Variants in INPP4B observed in about 807,000 individuals in gnomAD.
The protein encoded by INPP4B is inositol polyphosphate-4-phosphatase type II B.
In INPP4B, 55 loss-of-function variants were observed where a neutral mutation model predicts 122.5. The ratio of observed to expected loss-of-function variants is 0.45; its 90% CI spans 0.36 to 0.56. The LOEUF (loss-of-function observed/expected upper bound fraction) is 0.56, where lower values mean the gene tolerates loss of function less well. Ranked by LOEUF, INPP4B falls within the 20% of genes least tolerant of loss-of-function variation. The pLI is 0.00. For synonymous variants in INPP4B, 403 were observed against 388.7 expected (o/e 1.04, Z -0.43); for missense variants, 1,000 against 1,097.7 (o/e 0.91, Z 1.26).
chr4:142,460,882 T>TTTTTTTTTTTTTGAGA (rs1553936436), intron 3 of INPP4B, among the ~76,000 whole-genome samples: 2 of 152,004 alleles, frequency 1.3e-5, no homozygotes, highest in African/African-American at 4.8e-5. Flanking sequence ...ACATTTTATA[T>TTTTTTTTTTTTTGAGA]CAAATCAAAT....
chr4:142,393,526 C>T (rs1323681899), intron 7 of INPP4B, among the ~76,000 whole-genome samples: 4 of 152,198 alleles, frequency 2.6e-5, no homozygotes, highest in African/African-American at 4.8e-5. Flanking sequence ...GTAATAGTGA[C>T]ATTAATGACT....
At chr4:142,764,117 T>C (rs1192197281) in intron 1 of INPP4B, among the ~76,000 whole-genome samples, 1 of 152,160 alleles carries the variant, frequency 6.6e-6, no homozygotes, top group East Asian at 1.9e-4. Context: ...CCTCAAGATA[T>C]TTTTATTCCC....
chr4:142,492,003 G>T (rs1464726474), intron 2 of INPP4B, among the ~76,000 whole-genome samples: 2 of 152,054 alleles, frequency 1.3e-5, no homozygotes. Flanking sequence ...CATGTGTCTT[G>T]GGAGGGACCT....
chr4:142,632,394 C>A (rs1230411554), intron 2 of INPP4B, among the ~76,000 whole-genome samples: 1 of 151,902 alleles, frequency 6.6e-6, no homozygotes. Context: ...AAGTAGATCT[C>A]ATGAAGATAG....
rs943987959 is a variant in INPP4B at position 142,786,455 on chromosome 4, A to C, written c.-254+59754T>G. ...AATGACTTAATAAATTAATAAAAGC[A>C]GGGGATAAGAGACATATTCAAATAA... is the stretch of plus-strand genomic sequence containing the variant. On this transcript the variant is annotated intron_variant, in intron 1 of 25. Coordinates refer to ENST00000262992, the MANE Select transcript of INPP4B (RefSeq NM_001101669.3). 1.1e-4 allele frequency among the ~76,000 whole-genome samples: 16 copies of C among 152,190 alleles called. 1 individual carries two copies. The highest frequency in any genetic ancestry group is 3.9e-4 in the African/African-American group (16 of 41,452).
intron 2 of INPP4B, among the ~76,000 whole-genome samples, chr4:142,721,185 A>G (rs901307110): frequency 3.3e-5 from 5 of 151,918 alleles, no homozygotes; most frequent in African/African-American, 1.2e-4. Context: ...GGAATTGCCA[A>G]TTCTCTGAGA....
chr4:142,548,926 G>A (rs67078907), intron 2 of INPP4B, among the ~76,000 whole-genome samples: 54,209 of 151,764 alleles, frequency 0.36, 10,610 homozygotes, highest in East Asian at 0.81. Context: ...TTATTATACT[G>A]TGCTATAATA....
chr4:142,228,808 G>A (rs1852774593), intron 12 of INPP4B, among the ~76,000 whole-genome samples: 1 of 151,708 alleles, frequency 6.6e-6, no homozygotes, highest in South Asian at 2.1e-4. Flanking sequence ...AGTAGCTCTT[G>A]TAAGTCAAAA....
At chr4:142,244,214 A>G (rs1456298998) in intron 11 of INPP4B, among the ~76,000 whole-genome samples, 1 of 149,262 alleles carries the variant, frequency 6.7e-6, no homozygotes, top group Non-Finnish European at 1.5e-5. Flanking sequence ...TTCCAGCTTC[A>G]TCGATGTCCC....
intron 22 of INPP4B, 83 bp downstream of exon 22, chr4:142,112,459 C>T (rs1241257923): frequency 4.6e-6 from 6 of 1,310,834 alleles, no homozygotes; most frequent in Non-Finnish European, 6.4e-6. Context: ...GTTAGTTCTA[C>T]ATGCAGATAC....
intron 2 of INPP4B, among the ~76,000 whole-genome samples, chr4:142,635,801 C>T (rs1434078928): frequency 6.6e-6 from 1 of 151,898 alleles, no homozygotes; most frequent in Non-Finnish European, 1.5e-5. Flanking sequence ...TACAACAAAC[C>T]CCCATGACAT....
At chr4:142,350,854 T>C (rs531101053) in intron 7 of INPP4B, among the ~76,000 whole-genome samples, 15 of 152,180 alleles carry the variant, frequency 9.9e-5, no homozygotes, top group African/African-American at 3.4e-4. Flanking sequence ...GTAAACTTCA[T>C]TGTGATGCTA....
At chr4:142,174,260 T>G (rs1396022144) in intron 15 of INPP4B, among the ~76,000 whole-genome samples, 1 of 152,266 alleles carries the variant, frequency 6.6e-6, no homozygotes, top group South Asian at 2.1e-4. Context: ...GGCAGCCTTC[T>G]TCCTCATCAG....
rs556621161 is a variant in INPP4B at position 142,028,206 on chromosome 4, A to G, written c.*576T>C. ...ATATGCCTGTTGCAAGGGAGGAGTC[A>G]CACCTTGACTGGATGATAGAGATCA... On this transcript the variant is annotated 3_prime_UTR_variant, in exon 26 of 26. Transcript: ENST00000262992. The G allele has an allele frequency of 2.5e-4, 56 of 228,552 alleles. 1 individual carries two copies. The highest frequency in any genetic ancestry group is 1.2e-3 in the African/African-American group (53 of 45,226). 14.2% of individuals were successfully genotyped at this position (228,552 alleles called of 1,614,324 possible).
chr4:142,322,257 G>A (rs1048131743), intron 7 of INPP4B, among the ~76,000 whole-genome samples: 1 of 151,996 alleles, frequency 6.6e-6, no homozygotes, highest in African/African-American at 2.4e-5. Context: ...CAGAATCTTA[G>A]AGATGCAAGG....
chr4:142,255,109 T>G (rs1367773633), intron 11 of INPP4B, among the ~76,000 whole-genome samples: 1 of 151,706 alleles, frequency 6.6e-6, no homozygotes, highest in Non-Finnish European at 1.5e-5. Flanking sequence ...AAACTAAGCT[T>G]CATAAGTGAA....
chr4:142,408,944 AAAT>A (rs1207287353), intron 5 of INPP4B, among the ~76,000 whole-genome samples: 1 of 152,212 alleles, frequency 6.6e-6, no homozygotes, highest in Non-Finnish European at 1.5e-5. Context: ...AATGTGGGAA[AAAT>A]AATAATACAG....
chr4:142,600,093 T>G (rs1334556536), intron 2 of INPP4B, among the ~76,000 whole-genome samples: 1 of 152,140 alleles, frequency 6.6e-6, no homozygotes, highest in African/African-American at 2.4e-5. Context: ...TTCAAAAAAC[T>G]ATTCAACAAC....
chr4:142,413,750 T>C (rs1805095986), intron 5 of INPP4B, among the ~76,000 whole-genome samples: 1 of 152,170 alleles, frequency 6.6e-6, no homozygotes, highest in Non-Finnish European at 1.5e-5. Context: ...TATTTGTGGT[T>C]ACAGTGTCTG....
Sources: gnomAD v4.1 joint callset for allele counts (sites outside exome capture counted in the v4.1 genomes callset) on GRCh38, gnomAD v4.1.1 for gene constraint, MANE v1.5 for transcripts, NCBI Gene and HGNC (gene_info 2026-07-23, HGNC 2026-07-21) for gene names.